ZNF138: variants seen among roughly 807,000 people sequenced by gnomAD.
ZNF138 encodes zinc finger protein 138, also known as zinc finger protein 138 (clone pHZ-32).
Under a neutral mutation model 33.0 loss-of-function variants are expected in ZNF138, and 33 were observed. The observed-to-expected ratio is 1.00, with a 90% CI of 0.76 to 1.34. The LOEUF is 1.34. ZNF138 is among the 40% of genes most tolerant of loss of function. The pLI, the probability that ZNF138 is intolerant of heterozygous loss-of-function variation, is 0.00. For synonymous variants in ZNF138, 139 were observed against 120.4 expected (o/e 1.15, Z -1.01); for missense variants, 360 against 370.8 (o/e 0.97, Z 0.24).
chr7:64,844,036 C>A, the ZNF138 span, among the ~76,000 whole-genome samples: 72 of 152,224 alleles, frequency 4.7e-4, no homozygotes, highest in East Asian at 6.0e-3. Flanking sequence ...GTTGGCCAGG[C>A]TGGTCTCAAA....
chr7:64,796,373 G>C (rs1786689815), intron 1 of ZNF138, among the ~76,000 whole-genome samples: 1 of 152,160 alleles, frequency 6.6e-6, no homozygotes, highest in South Asian at 2.1e-4. Flanking sequence ...TGGGTGGCTT[G>C]ACTTGACATG....
intron 3 of ZNF138, among the ~76,000 whole-genome samples, chr7:64,819,359 A>AT (rs56762783): frequency 1.5e-4 from 21 of 142,490 alleles, no homozygotes; most frequent in South Asian, 1.3e-3. Context: ...TTTCAGGGTA[A>AT]TTTTTTTTTT....
downstream of ZNF138, among the ~76,000 whole-genome samples, chr7:64,834,323 G>A (rs185922036): frequency 1.3e-5 from 2 of 152,170 alleles, no homozygotes; most frequent in Admixed American, 1.3e-4. Context: ...ATAAGGCTAC[G>A]TAAGTATCAG....
At chr7:64,855,292 G>C in the ZNF138 span, among the ~76,000 whole-genome samples, 3 of 152,080 alleles carry the variant, frequency 2.0e-5, no homozygotes, top group African/African-American at 7.2e-5. Flanking sequence ...CCTCCCAAAG[G>C]CTATTAGTAA....
chr7:64,828,704 A>C lies in ZNF138; in HGVS notation c.209-2747A>C, dbSNP rs1407832501. ...TATTAGTCTACTTTTTAACATTTGT[A>C]CTCATACCAAATTGTTTTAATTCTG... On this transcript the variant is annotated intron_variant, in intron 3 of 3. Coordinates refer to ENST00000307355, the MANE Select transcript of ZNF138 (RefSeq NM_001271639.2). Among the ~76,000 whole-genome samples, 3 of 151,904 alleles carry C rather than the reference A, an allele frequency of 2.0e-5. No homozygotes were observed. The East Asian group carries it at 5.8e-4, about 29-fold the overall frequency.
At chr7:64,810,985 G>A (rs2128997247) in intron 1 of ZNF138, among the ~76,000 whole-genome samples, 1 of 152,204 alleles carries the variant, frequency 6.6e-6, no homozygotes, top group Admixed American at 6.5e-5. Flanking sequence ...TTACCAACCT[G>A]TTTTCTATTC....
At chr7:64,858,334 T>C in the ZNF138 span, among the ~76,000 whole-genome samples, 13 of 152,186 alleles carry the variant, frequency 8.5e-5, no homozygotes, top group Admixed American at 1.3e-4. Flanking sequence ...CATCTCTTTG[T>C]TAATTTATTC....
intron 1 of ZNF138, among the ~76,000 whole-genome samples, chr7:64,813,142 C>T (rs1005628546): frequency 6.6e-5 from 10 of 151,956 alleles, no homozygotes; most frequent in African/African-American, 2.2e-4. Context: ...TAAAAATGTT[C>T]CATTTGTGGA....
Position 64,832,075 on chromosome 7 carries a change from C to A in ZNF138, c.833C>A (p.Pro278His). 6.2e-7 allele frequency: 1 copy of A among 1,613,816 alleles called. No individual in the cohort carries two copies. The highest frequency in any genetic ancestry group is 8.5e-7 in the Non-Finnish European group (1 of 1,179,906). The change falls in exon 4 of 4, where the codon CCC becomes CAC. Residue 278 changes from proline to histidine, a missense_variant. Transcript: ENST00000307355. ...RHKIIHTEEK[P>H]YKCEQCGKVF... ...AAGATAATTCATACTGAAGAGAAAC[C>A]CTACAAATGTGAACAATGTGGCAAG...
chr7:64,852,180 A>G, the ZNF138 span, among the ~76,000 whole-genome samples: 1 of 152,310 alleles, frequency 6.6e-6, no homozygotes, highest in Admixed American at 6.5e-5. Flanking sequence ...CTCAACTCAG[A>G]AGCTGCCTCA....
downstream of ZNF138, among the ~76,000 whole-genome samples, chr7:64,838,468 G>A (rs549324632): frequency 4.6e-5 from 7 of 152,228 alleles, no homozygotes; most frequent in South Asian, 1.4e-3. Flanking sequence ...CTGGGAGATC[G>A]TACCTCTACC....
At chr7:64,815,717 C>A in intron 3 of ZNF138, 64 bp downstream of exon 3, 1 of 1,373,616 alleles carries the variant, frequency 7.3e-7, no homozygotes, top group Non-Finnish European at 1.0e-6. Context: ...GAAGACCACT[C>A]CTTTAAATGT....
the ZNF138 span, among the ~76,000 whole-genome samples, chr7:64,854,327 A>G: frequency 2.6e-5 from 4 of 152,252 alleles, no homozygotes; most frequent in South Asian, 8.3e-4. Context: ...TGCAACCTCC[A>G]TCTCCCAGGT....
chr7:64,819,139 T>A (rs1037202487), intron 3 of ZNF138, among the ~76,000 whole-genome samples: 1 of 152,174 alleles, frequency 6.6e-6, no homozygotes, highest in African/African-American at 2.4e-5. Flanking sequence ...CAGGAACATG[T>A]CTGTCACAAT....
chr7:64,815,237 T>C (rs1449224475), intron 2 of ZNF138, among the ~76,000 whole-genome samples, 193 bp downstream of exon 2: 6 of 152,252 alleles, frequency 3.9e-5, no homozygotes, highest in Non-Finnish European at 8.8e-5. Context: ...ACCTGAACTT[T>C]CCACATTTCT....
chr7:64,811,144 G>A (rs954039278), intron 1 of ZNF138, among the ~76,000 whole-genome samples: 8 of 151,950 alleles, frequency 5.3e-5, no homozygotes, highest in Non-Finnish European at 1.0e-4. Context: ...AAAAATCAGT[G>A]ACAGAGAAAC....
chr7:64,848,055 C>T, the ZNF138 span, among the ~76,000 whole-genome samples: 1 of 152,064 alleles, frequency 6.6e-6, no homozygotes, highest in African/African-American at 2.4e-5. Context: ...TTGGTAGTGG[C>T]AAATGCTCTC....
the ZNF138 span, among the ~76,000 whole-genome samples, chr7:64,842,212 T>C: frequency 1.3e-5 from 2 of 152,112 alleles, no homozygotes; most frequent in Non-Finnish European, 2.9e-5. Context: ...TGCAGGTGCC[T>C]GCCACTACAC....
rs1200433056 is a variant in ZNF138, at chr7:64,821,075, GTT to G, written c.208+5427_208+5428del. Among the ~76,000 whole-genome samples the G allele has an allele frequency of 4.5e-4, 64 of 141,614 alleles. 3 individuals are homozygous for G. The highest frequency in any genetic ancestry group is 1.6e-3 in the African/African-American group (61 of 37,348). The allele number at this position is 141,614 out of a possible 152,430, so 92.9% of individuals were successfully genotyped here. A position where few individuals can be genotyped will look rare whatever the true frequency, so the allele number is the denominator to read the frequency against. On this transcript the variant is annotated intron_variant, in intron 3 of 3. Coordinates refer to ENST00000307355, the MANE Select transcript of ZNF138 (RefSeq NM_001271639.2). ...GTTTTTGGTTTTTTTGTTTTGTTTT[GTT>G]TTTTGTTTGTTTGTTTGTTTGTTTG...
Sources: gnomAD v4.1 joint callset for allele counts (sites outside exome capture counted in the v4.1 genomes callset) on GRCh38, gnomAD v4.1.1 for gene constraint, MANE v1.5 for transcripts, NCBI Gene and HGNC (gene_info 2026-07-23, HGNC 2026-07-21) for gene names.